Variants in PTPRG observed in about 807,000 individuals in gnomAD.
PTPRG encodes receptor-type tyrosine-protein phosphatase gamma.
PTPRG carries 102 observed loss-of-function variants against 165.3 expected under a neutral mutation model. That is an observed-to-expected ratio of 0.62 (90% CI 0.53 to 0.73). PTPRG has a LOEUF of 0.73. PTPRG is among the 30% of genes least tolerant of loss of function. The pLI, the probability that PTPRG is intolerant of heterozygous loss-of-function variation, is 0.00. For synonymous variants in PTPRG, 675 were observed against 669.5 expected (o/e 1.01, Z -0.13); for missense variants, 1,866 against 1,861.4 (o/e 1.00, Z -0.05).
At chr3:61,989,980 T>C (rs1339099410) in intron 3 of PTPRG, among the ~76,000 whole-genome samples, 176 bp downstream of exon 3, 1 of 152,132 alleles carries the variant, frequency 6.6e-6, no homozygotes, top group African/African-American at 2.4e-5. Flanking sequence ...CTGTGGCTAA[T>C]CACCCTGTGT....
chr3:61,981,905 T>G, intron 2 of PTPRG, among the ~76,000 whole-genome samples: 1 of 152,218 alleles, frequency 6.6e-6, no homozygotes, highest in East Asian at 1.9e-4. Flanking sequence ...TAGAAAGGTA[T>G]TGCTCATTAA....
rs145342255 is a variant in PTPRG at position 61,835,064 on chromosome 3, T to C, written c.190+86082T>C. 4.3e-3 allele frequency among the ~76,000 whole-genome samples: 657 copies of C among 152,310 alleles called. 2 individuals are homozygous for C. The highest frequency in any genetic ancestry group is 7.5e-3 in the Non-Finnish European group (512 of 68,016). ...TAGATATAGAAATAAAGTCCAAATA[T>C]ACCTAAGATTCAGCATCATAAATGT... On this transcript the variant is annotated intron_variant, in intron 2 of 29. Transcript: ENST00000474889.
In PTPRG at chr3:62,293,423, A is replaced by G; in HGVS notation, c.*116A>G. The G allele has an allele frequency of 3.3e-6, 3 of 906,764 alleles. No homozygotes were observed. 56.2% of individuals were successfully genotyped at this position (906,764 alleles called of 1,614,324 possible). A position where few individuals can be genotyped will look rare whatever the true frequency, so the allele number is the denominator to read the frequency against. On this transcript the variant is annotated 3_prime_UTR_variant, in exon 30 of 30. Transcript: ENST00000474889. ...AACCCAGTTACTTTTTTACACTGAT[A>G]AAAGTTTTGATATTTATTTTTTGCC...
At chr3:62,041,967 G>C (rs184986968) in intron 4 of PTPRG, among the ~76,000 whole-genome samples, 70 of 152,238 alleles carry the variant, frequency 4.6e-4, no homozygotes, top group African/African-American at 1.6e-3. Context: ...AATCATCCTT[G>C]TTTAATGAAT....
At position 62,141,422 on chromosome 3, in the gene PTPRG, T is replaced by C. The variant is rs528302536; in HGVS notation, c.682+8754T>C. Among the ~76,000 whole-genome samples, 12 of 151,838 alleles carry C rather than the reference T, an allele frequency of 7.9e-5. No homozygotes were observed. In the East Asian group the frequency reaches 1.6e-3, roughly 20 times the overall value. On this transcript the variant is annotated intron_variant, in intron 6 of 29. Coordinates refer to ENST00000474889, the MANE Select transcript of PTPRG (RefSeq NM_002841.4). Reference sequence around the variant, plus strand: ...TGAGACCAGCCTCAGCAACATGGTGTTTTATCTCTACAAAAAAGTAAACAA... The same window carrying C: ...TGAGACCAGCCTCAGCAACATGGTGCTTTATCTCTACAAAAAAGTAAACAA...
chr3:62,271,511 A>G lies in PTPRG; in HGVS notation c.3138A>G (p.Ser1046=), dbSNP rs1702063416. ...TACTGACTTTCGTGAGGAGATCCTC[A>G]GCAGCTCGGATGCCAGAAACGGGCC... is the stretch of plus-strand genomic sequence containing the variant. The part of the protein sequence containing the change: ...LPVLTFVRRS[S]AARMPETGPV... The change falls in exon 21 of 30, where the codon TCA becomes TCG. Residue 1046 remains serine (S), a synonymous_variant. Transcript: ENST00000474889. This position sits in a 1 kb window ranked among gnomAD's most constrained non-coding sequence, Gnocchi z 4.1. The G allele has an allele frequency of 1.2e-6, 2 of 1,613,950 alleles. No individual in the cohort carries two copies. Among genetic ancestry groups the G allele is most frequent in the Non-Finnish European group, 8.5e-7 (1 of 1,179,838 alleles).
chr3:62,078,051 TTTGGCAAAATCTTA>T lies in PTPRG; in HGVS notation c.520-109_520-96del. 7.2e-6 allele frequency: 5 copies of T among 690,818 alleles called. 1 individual carries two copies. The highest frequency in any genetic ancestry group is 1.2e-5 in the Non-Finnish European group (5 of 416,068). The allele number at this position is 690,818 out of a possible 1,614,324, so 42.8% of individuals were successfully genotyped here. On this transcript the variant is annotated intron_variant, in intron 4 of 29. Coordinates refer to ENST00000474889, the MANE Select transcript of PTPRG (RefSeq NM_002841.4). The stretch of plus-strand genomic sequence containing the variant: ...GGAAAAATATGAACAGGTGAATAAA[TTTGGCAAAATCTTA>T]TTAGCAACTGGGGAATATACATTTA...
intron 8 of PTPRG, among the ~76,000 whole-genome samples, chr3:62,169,908 A>G (rs144654322): frequency 6.6e-6 from 1 of 152,298 alleles, no homozygotes; most frequent in Non-Finnish European, 1.5e-5. Flanking sequence ...ATTCTATTCC[A>G]CAAGTAACTG....
chr3:61,725,206 C>T (rs2032207119), intron 1 of PTPRG, among the ~76,000 whole-genome samples: 2 of 152,022 alleles, frequency 1.3e-5, no homozygotes, highest in African/African-American at 4.8e-5. Flanking sequence ...CTTGCTCTGT[C>T]ACCCAGGCTG....
chr3:62,137,532 C>T lies in PTPRG; in HGVS notation c.682+4864C>T, dbSNP rs1330232834. ...ATTGGGCCCTTTCTGTCGACCAGTG[C>T]TGGCTGCAGGTGTTGCAGGTTTCAG... On this transcript the variant is annotated intron_variant, in intron 6 of 29. Coordinates refer to ENST00000474889, the MANE Select transcript of PTPRG (RefSeq NM_002841.4). 2.6e-5 allele frequency among the ~76,000 whole-genome samples: 4 copies of T among 152,246 alleles called. No homozygotes were observed. In the East Asian group the frequency reaches 5.8e-4, roughly 22 times the overall value.
intron 8 of PTPRG, among the ~76,000 whole-genome samples, chr3:62,189,336 A>G (rs1699746537): frequency 6.6e-6 from 1 of 152,160 alleles, no homozygotes; most frequent in Non-Finnish European, 1.5e-5. Context: ...AAGCTGGGCC[A>G]TGCGTCTCTG....
chr3:61,587,281 A>G (rs1700455164), intron 1 of PTPRG, among the ~76,000 whole-genome samples: 1 of 152,210 alleles, frequency 6.6e-6, no homozygotes, highest in Non-Finnish European at 1.5e-5. Flanking sequence ...ATTTCTAGAA[A>G]ACTTACAAAA....
chr3:62,039,741 A>G (rs1700066106), intron 4 of PTPRG, among the ~76,000 whole-genome samples: 1 of 152,190 alleles, frequency 6.6e-6, no homozygotes, highest in South Asian at 2.1e-4. Context: ...GCAGCTGGTG[A>G]GCCTTAAATA....
intron 17 of PTPRG, 151 bp from the exon 18 acceptor site, chr3:62,267,259 T>C (rs1311793426): frequency 1.7e-6 from 1 of 604,706 alleles, no homozygotes; most frequent in African/African-American, 1.9e-5. Flanking sequence ...TGGGATGGGT[T>C]TGAATGCTCT....
intron 28 of PTPRG, among the ~76,000 whole-genome samples, chr3:62,286,226 C>T (rs1044139116): frequency 2.0e-5 from 3 of 152,094 alleles, no homozygotes; most frequent in African/African-American, 7.2e-5. Flanking sequence ...CAAAGACACC[C>T]ACAAATCATA....
At position 62,170,250 on chromosome 3, in the gene PTPRG, T is replaced by TA. The variant is rs199560352; in HGVS notation, c.1033+2096dup. 3.1e-3 allele frequency among the ~76,000 whole-genome samples: 459 copies of TA among 150,492 alleles called. 12 individuals carry two copies. The highest frequency in any genetic ancestry group is 0.027 in the Admixed American group (415 of 15,102). On this transcript the variant is annotated intron_variant, in intron 8 of 29. Coordinates refer to ENST00000474889, the MANE Select transcript of PTPRG (RefSeq NM_002841.4). ...GAACTAATTTTTTTTTTAACCTAGTTAAAAAAAAATGAAGAAAATAACCCA... is the reference window on the plus strand; with the variant it reads ...GAACTAATTTTTTTTTTAACCTAGTTAAAAAAAAAATGAAGAAAATAACCCA...
At chr3:61,576,438 C>G (rs1700175430) in intron 1 of PTPRG, among the ~76,000 whole-genome samples, 1 of 152,194 alleles carries the variant, frequency 6.6e-6, no homozygotes, top group Non-Finnish European at 1.5e-5. Context: ...TGTCTTCTTC[C>G]TGTCCCTGTG....
At chr3:62,154,488 A>T (rs1171716962) in intron 6 of PTPRG, among the ~76,000 whole-genome samples, 47 of 152,174 alleles carry the variant, frequency 3.1e-4, no homozygotes, top group Admixed American at 3.1e-3. Flanking sequence ...TGCCTGCTTA[A>T]TCCATGAGCC....
At chr3:62,175,893 CG>C (rs1247435769) in intron 8 of PTPRG, among the ~76,000 whole-genome samples, 1 of 151,904 alleles carries the variant, frequency 6.6e-6, no homozygotes, top group Non-Finnish European at 1.5e-5. Context: ...CAACCTAGAG[CG>C]AGGTAAACAA....
Sources: allele counts gnomAD v4.1 joint callset (sites outside exome capture counted in the v4.1 genomes callset), GRCh38; gene constraint gnomAD v4.1.1; non-coding constraint Gnocchi (gnomAD v3.1); transcripts MANE v1.5; gene names NCBI Gene and HGNC (gene_info 2026-07-23, HGNC 2026-07-21).